Variants in SINHCAF observed in about 807,000 individuals in gnomAD.
SINHCAF encodes the protein SIN3-HDAC complex associated factor, also known as SIN3-HDAC complex-associated factor.
SINHCAF carries 3 observed loss-of-function variants against 25.8 expected under a neutral mutation model. The observed-to-expected ratio is 0.12, with a 90% CI of 0.05 to 0.30. The LOEUF (loss-of-function observed/expected upper bound fraction) is 0.30, where lower values mean the gene tolerates loss of function less well. SINHCAF is among the 10% of genes least tolerant of loss of function. The pLI is 1.00. For missense variants in SINHCAF, 121 were observed against 262.3 expected (o/e 0.46, Z 3.72); for synonymous variants, 70 against 85.5 (o/e 0.82, Z 1.00).
At chr12:31,293,741 C>T in intron 4 of SINHCAF, 64 bp downstream of exon 4, 3 of 1,429,740 alleles carry the variant, frequency 2.1e-6, no homozygotes, top group South Asian at 2.9e-5. Flanking sequence ...ACATGCCATA[C>T]ACCACCCCCA....
At chr12:31,284,087 T>C (rs1937933737) in intron 5 of SINHCAF, among the ~76,000 whole-genome samples, 1 of 152,208 alleles carries the variant, frequency 6.6e-6, no homozygotes, top group Admixed American at 6.5e-5. Flanking sequence ...ATTGCTGGCA[T>C]ATAGGAATGG....
intron 1 of SINHCAF, among the ~76,000 whole-genome samples, chr12:31,302,297 G>C (rs1461325466): frequency 6.6e-6 from 1 of 151,960 alleles, no homozygotes; most frequent in South Asian, 2.1e-4. Context: ...TATACTAAAA[G>C]CCACTGAATT....
At position 31,293,898 on chromosome 12, in the gene SINHCAF, T is replaced by G; in HGVS notation, c.262A>C (p.Thr88Pro). The part of the protein sequence containing the change: ...VDARAGPSLK[T>P]TLKPKKVKTL... ...TTCACTTTCTTTGGTTTCAATGTAG[T>G]CTTTAGACTGGGTCCAGCCCTTGCA... The change falls in exon 4 of 6, where the codon ACT (threonine) becomes CCT (proline). Residue 88 changes from threonine (T) to proline (P), a missense_variant. Physicochemically the swap from Thr to Pro is conservative, Grantham distance 38 (BLOSUM62 -1). Transcript: ENST00000337682. 6.2e-7 allele frequency: 1 copy of G among 1,613,162 alleles called. No individual in the cohort carries two copies. Among genetic ancestry groups the G allele is most frequent in the Non-Finnish European group, 8.5e-7 (1 of 1,179,394 alleles).
chr12:31,293,783 A>G, intron 4 of SINHCAF, 22 bp downstream of exon 4: 1 of 1,589,552 alleles, frequency 6.3e-7, no homozygotes, highest in East Asian at 2.3e-5. Flanking sequence ...ATTAAGTACT[A>G]ATGTTGTAAT....
chr12:31,288,516 A>G (rs2137074592), intron 4 of SINHCAF, among the ~76,000 whole-genome samples: 1 of 152,236 alleles, frequency 6.6e-6, no homozygotes, highest in Non-Finnish European at 1.5e-5. Context: ...CACCCTCACC[A>G]GGTGGTAGCC....
At chr12:31,299,043 A>T (rs571138638) in intron 1 of SINHCAF, among the ~76,000 whole-genome samples, 2 of 152,200 alleles carry the variant, frequency 1.3e-5, no homozygotes, top group East Asian at 3.9e-4. Flanking sequence ...TCCTGTTAAA[A>T]AAAAAAAAAA....
intron 1 of SINHCAF, among the ~76,000 whole-genome samples, chr12:31,318,989 G>A (rs544352542): frequency 5.3e-5 from 8 of 152,282 alleles, no homozygotes; most frequent in Admixed American, 3.3e-4. Flanking sequence ...AAATTTAACT[G>A]AAGGTAAAAT....
chr12:31,286,624 T>C (rs747627373), intron 5 of SINHCAF, among the ~76,000 whole-genome samples: 57 of 150,742 alleles, frequency 3.8e-4, no homozygotes, highest in Admixed American at 1.3e-3. Flanking sequence ...GATCGAGCCA[T>C]TGCACTATAG....
intron 1 of SINHCAF, chr12:31,312,096 G>A: frequency 2.1e-6 from 1 of 473,942 alleles, no homozygotes; most frequent in South Asian, 1.6e-5. Flanking sequence ...TGGTCCCAAT[G>A]GTAACAACTG....
chr12:31,308,706 C>A (rs1219368356), intron 1 of SINHCAF, among the ~76,000 whole-genome samples: 1 of 152,056 alleles, frequency 6.6e-6, no homozygotes, highest in Admixed American at 6.6e-5. Flanking sequence ...GTAAGTGGGG[C>A]GCTGTATATC....
chr12:31,313,563 T>G (rs1939368048), intron 1 of SINHCAF, among the ~76,000 whole-genome samples: 1 of 152,248 alleles, frequency 6.6e-6, no homozygotes, highest in Non-Finnish European at 1.5e-5. Flanking sequence ...AGTTGTTAAT[T>G]TCCACAAACA....
chr12:31,292,563 G>A lies in SINHCAF; in HGVS notation c.355+1242C>T, dbSNP rs76832208. ...TGGAAGGTAGAGTTAAATCTTTAGG[G>A]AGATGGGGGGTTGAGAGCTGGTTAG... On this transcript the variant is annotated intron_variant, in intron 4 of 5. Transcript: ENST00000337682. 0.013 allele frequency among the ~76,000 whole-genome samples: 1,945 copies of A among 152,034 alleles called. 147 individuals are homozygous for A. The East Asian group carries it at 0.22, about 17-fold the overall frequency.
intron 4 of SINHCAF, 81 bp downstream of exon 4, chr12:31,293,724 G>GATCC (rs781666381): frequency 2.5e-6 from 3 of 1,215,154 alleles, no homozygotes; most frequent in Non-Finnish European, 3.3e-6. Context: ...AGGAAAAAAT[G>GATCC]ATCCACACAT....
chr12:31,282,480 G>A lies in SINHCAF; in HGVS notation c.*232C>T. The A allele has an allele frequency of 2.9e-6, 1 of 348,734 alleles. No homozygotes were observed. The highest frequency in any genetic ancestry group is 9.3e-5 in the South Asian group (1 of 10,722). The allele number at this position is 348,734 out of a possible 1,614,324, so 21.6% of individuals were successfully genotyped here. ...TCTACTAAAACTAAAAAATTAGCCG[G>A]GTCTGGTGGCGGGCACCTATAAACC... On this transcript the variant is annotated 3_prime_UTR_variant, in exon 6 of 6. Transcript: ENST00000337682.
At chr12:31,286,606 T>C (rs1018599834) in intron 5 of SINHCAF, among the ~76,000 whole-genome samples, 1 of 146,222 alleles carries the variant, frequency 6.8e-6, no homozygotes, top group African/African-American at 2.6e-5. Flanking sequence ...GAGGCTGCAG[T>C]GAGCAGAGAT....
At chr12:31,312,684 A>G (rs1285216242) in intron 1 of SINHCAF, among the ~76,000 whole-genome samples, 1 of 152,114 alleles carries the variant, frequency 6.6e-6, no homozygotes, top group African/African-American at 2.4e-5. Flanking sequence ...TGTGGTGGTT[A>G]TATGTTTCAT....
At chr12:31,307,657 G>C (rs1373320829) in intron 1 of SINHCAF, among the ~76,000 whole-genome samples, 1 of 152,124 alleles carries the variant, frequency 6.6e-6, no homozygotes, top group African/African-American at 2.4e-5. Flanking sequence ...TTAATCTATT[G>C]AAAGACAAGT....
chr12:31,297,467 A>ATTTTTTTT (rs777087270), intron 2 of SINHCAF, among the ~76,000 whole-genome samples: 63 of 103,420 alleles, frequency 6.1e-4, no homozygotes, highest in African/African-American at 2.2e-3. Flanking sequence ...GTCAAGCGTA[A>ATTTTTTTT]TTTTTTTTTT....
chr12:31,304,232 T>C (rs944135111), intron 1 of SINHCAF: 5 of 152,106 alleles, frequency 3.3e-5, no homozygotes, highest in African/African-American at 1.2e-4. Context: ...TACCAAAATG[T>C]ATCTCTTAAC....
Sources: gnomAD v4.1 joint callset for allele counts (sites outside exome capture counted in the v4.1 genomes callset) on GRCh38, gnomAD v4.1.1 for gene constraint, MANE v1.5 for transcripts, NCBI Gene and HGNC (gene_info 2026-07-23, HGNC 2026-07-21) for gene names.